The following FOXN3 variants were observed in gnomAD, a reference collection of about 807,000 sequenced individuals.
FOXN3 encodes forkhead box protein N3.
Under a neutral mutation model 38.4 loss-of-function variants are expected in FOXN3, and 7 were observed. That is an observed-to-expected ratio of 0.18 (90% CI 0.10 to 0.34). FOXN3 has a LOEUF of 0.34. FOXN3 is among the 10% of genes least tolerant of loss of function. The pLI is 1.00. For synonymous variants in FOXN3, 230 were observed against 242.2 expected (o/e 0.95, Z 0.47); for missense variants, 456 against 613.4 (o/e 0.74, Z 2.71).
intron 4 of FOXN3, among the ~76,000 whole-genome samples, chr14:89,199,174 C>T (rs975546666): frequency 8.5e-5 from 13 of 152,084 alleles, no homozygotes; most frequent in Admixed American, 2.6e-4. Context: ...AAAGAAGTTG[C>T]CCGAGTGAGC....
intron 3 of FOXN3, among the ~76,000 whole-genome samples, chr14:89,308,434 C>T (rs1323881610): frequency 6.6e-6 from 1 of 152,212 alleles, no homozygotes; most frequent in African/African-American, 2.4e-5. Context: ...TTGCTGTGGC[C>T]ACTATGGGTC....
chr14:89,328,974 C>A (rs770803535), intron 3 of FOXN3, among the ~76,000 whole-genome samples: 18 of 152,224 alleles, frequency 1.2e-4, no homozygotes, highest in Non-Finnish European at 2.4e-4. Context: ...TCAGAGGCCA[C>A]GGATGCAGGC....
At chr14:89,366,798 G>A (rs1278645705) in intron 2 of FOXN3, among the ~76,000 whole-genome samples, 2 of 152,130 alleles carry the variant, frequency 1.3e-5, no homozygotes, top group Non-Finnish European at 2.9e-5. Flanking sequence ...TTTATGGACG[G>A]CAATAAAGGT....
chr14:89,495,157 A>G (rs1893654451), intron 1 of FOXN3, among the ~76,000 whole-genome samples: 1 of 152,210 alleles, frequency 6.6e-6, no homozygotes, highest in African/African-American at 2.4e-5. Flanking sequence ...GGGCTGGTTA[A>G]TAATATTCAA....
At chr14:89,331,860 A>G (rs1888256046) in intron 3 of FOXN3, among the ~76,000 whole-genome samples, 1 of 145,804 alleles carries the variant, frequency 6.9e-6, no homozygotes, top group Non-Finnish European at 1.5e-5. Flanking sequence ...TTGATTTCAT[A>G]ACCCATTACG....
chr14:89,165,001 C>T (rs557356292), intron 5 of FOXN3, among the ~76,000 whole-genome samples: 10 of 152,226 alleles, frequency 6.6e-5, no homozygotes, highest in Admixed American at 3.9e-4. Flanking sequence ...TCCGTACTGT[C>T]GTGTCCACCA....
intron 4 of FOXN3, among the ~76,000 whole-genome samples, chr14:89,236,034 C>A (rs10146744): frequency 6.6e-6 from 1 of 152,182 alleles, no homozygotes; most frequent in Admixed American, 6.5e-5. Context: ...GCAGAGCTGG[C>A]GCTCATGGCT....
intron 3 of FOXN3, among the ~76,000 whole-genome samples, chr14:89,327,972 A>C (rs1040108923): frequency 3.9e-5 from 6 of 152,150 alleles, no homozygotes; most frequent in Non-Finnish European, 8.8e-5. Flanking sequence ...CAACACTAAA[A>C]ACCCAGGTTT....
chr14:89,353,787 T>A (rs1889079089), intron 2 of FOXN3: 1 of 152,094 alleles, frequency 6.6e-6, no homozygotes, highest in Non-Finnish European at 1.5e-5. Context: ...TGGAGTGCAG[T>A]GATGTGATAT....
chr14:89,322,129 G>T (rs1213200990), intron 3 of FOXN3, among the ~76,000 whole-genome samples: 1 of 152,226 alleles, frequency 6.6e-6, no homozygotes, highest in African/African-American at 2.4e-5. Flanking sequence ...TCACTGCTGG[G>T]AGGGGCAGCA....
intron 2 of FOXN3, among the ~76,000 whole-genome samples, chr14:89,393,909 T>C (rs1468817119): frequency 1.3e-5 from 2 of 152,152 alleles, no homozygotes; most frequent in Non-Finnish European, 2.9e-5. Flanking sequence ...CCTGACTTCA[T>C]TGGGAGTTGT....
Position 89,350,723 on chromosome 14 carries a change from G to T in FOXN3, c.629C>A (p.Pro210Gln). Residue 210 changes from proline to glutamine, a missense_variant, in exon 3 of 6, where the codon CCA becomes CAA. Around this residue, in one of 3 missense-constraint regions of FOXN3, gnomAD observed 386 missense variants for 505.2 expected, o/e 0.76. Transcript: ENST00000557258. ...IQALKKTPYH[P>Q]HPHVFNTPPT... ...AGGTGTATTGAACACGTGTGGGTGT[G>T]GGTGATAAGGTGTCTTTTTCAAAGC... The T allele has an allele frequency of 1.2e-6, 2 of 1,603,186 alleles. No individual in the cohort carries two copies. The highest frequency in any genetic ancestry group is 1.7e-6 in the Non-Finnish European group (2 of 1,175,914).
chr14:89,173,665 G>A (rs1335601862), intron 5 of FOXN3, among the ~76,000 whole-genome samples: 1 of 152,114 alleles, frequency 6.6e-6, no homozygotes, highest in African/African-American at 2.4e-5. Flanking sequence ...AAAAAACAAA[G>A]TTAAGAAAGA....
chr14:89,459,936 A>C (rs1892806236), intron 1 of FOXN3, among the ~76,000 whole-genome samples: 1 of 152,160 alleles, frequency 6.6e-6, no homozygotes, highest in African/African-American at 2.4e-5. Context: ...TCAGCCCTAC[A>C]GCAAGAGGGG....
chr14:89,350,661 G>A lies in FOXN3; in HGVS notation c.680+11C>T. The A allele has an allele frequency of 4.0e-6, 6 of 1,510,506 alleles. No homozygotes were observed. The South Asian group carries it at 7.9e-5, about 20-fold the overall frequency. The allele number at this position is 1,510,506 out of a possible 1,614,324, so 93.6% of individuals were successfully genotyped here. On this transcript the variant is annotated intron_variant, in intron 3 of 5. Coordinates refer to ENST00000557258, the MANE Select transcript of FOXN3 (RefSeq NM_005197.4). ...TCAGTAGACCAAAAAAAAGAAGTCT[G>A]AATTGCTTACCTTTGATATGCCTGA...
At chr14:89,266,086 G>C (rs902712714) in intron 4 of FOXN3, among the ~76,000 whole-genome samples, 1 of 152,182 alleles carries the variant, frequency 6.6e-6, no homozygotes, top group Non-Finnish European at 1.5e-5. Context: ...CCAGCTTTGG[G>C]ATACAAGGTG....
At chr14:89,505,611 A>G (rs891442564) in intron 1 of FOXN3, among the ~76,000 whole-genome samples, 9 of 151,890 alleles carry the variant, frequency 5.9e-5, no homozygotes, top group Non-Finnish European at 1.3e-4. Context: ...CAGTGGCGTG[A>G]TCTCGGCTCG....
intron 1 of FOXN3, among the ~76,000 whole-genome samples, chr14:89,455,568 C>A (rs72703660): frequency 1.3e-5 from 2 of 152,178 alleles, no homozygotes; most frequent in Non-Finnish European, 2.9e-5. Context: ...AGGGCGCCCA[C>A]TGGATTAACA....
At chr14:89,478,069 G>A (rs1038731765) in intron 1 of FOXN3, among the ~76,000 whole-genome samples, 1 of 152,130 alleles carries the variant, frequency 6.6e-6, no homozygotes, top group African/African-American at 2.4e-5. Flanking sequence ...TCTGGGTCAT[G>A]GGGGAGGAAC....
Sources: gnomAD v4.1 joint callset for allele counts (sites outside exome capture counted in the v4.1 genomes callset) on GRCh38, gnomAD v4.1.1 for gene constraint, gnomAD v4.1.1 regional missense constraint, MANE v1.5 for transcripts, NCBI Gene and HGNC (gene_info 2026-07-23, HGNC 2026-07-21) for gene names.